Variants in CHST9 observed in about 807,000 individuals in gnomAD.
CHST9 encodes the protein GalNAc-4-sulfotransferase 2.
A neutral mutation model predicts 44.4 loss-of-function variants in CHST9; 41 were observed. The observed-to-expected ratio is 0.92, with a 90% CI of 0.72 to 1.20. The LOEUF (loss-of-function observed/expected upper bound fraction) is 1.20, where lower values mean the gene tolerates loss of function less well. Ranked by LOEUF, CHST9 falls within the 50% of genes most tolerant of loss-of-function variation. The probability of loss-of-function intolerance (pLI) is 0.00; values close to 1 mark genes in which losing one functional copy is unlikely to be tolerated. For missense variants in CHST9, 504 were observed against 516.5 expected (o/e 0.98, Z 0.23); for synonymous variants, 171 against 178.4 (o/e 0.96, Z 0.33).
intron 4 of CHST9, among the ~76,000 whole-genome samples, chr18:27,019,283 A>G (rs1472218534): frequency 6.6e-6 from 1 of 152,200 alleles, no homozygotes; most frequent in East Asian, 1.9e-4. Flanking sequence ...CTTTAAAATC[A>G]CACGGCACTG....
At chr18:27,162,091 G>A (rs2058751982) in intron 1 of CHST9, among the ~76,000 whole-genome samples, 1 of 152,148 alleles carries the variant, frequency 6.6e-6, no homozygotes, top group South Asian at 2.1e-4. Flanking sequence ...TTCAGTTGGA[G>A]CATTTAGCCC....
intron 2 of CHST9, among the ~76,000 whole-genome samples, chr18:27,054,744 G>A (rs928863784): frequency 1.3e-5 from 2 of 152,046 alleles, no homozygotes; most frequent in Non-Finnish European, 2.9e-5. Context: ...CCAATAATGA[G>A]TATGGGCATC....
At chr18:27,052,275 TATGTATATA>T (rs1327565283) in intron 2 of CHST9, among the ~76,000 whole-genome samples, 1 of 128,344 alleles carries the variant, frequency 7.8e-6, no homozygotes, top group African/African-American at 2.6e-5. Context: ...TGTGTATATA[TATGTATATA>T]TATGTGTGTA....
intron 4 of CHST9, among the ~76,000 whole-genome samples, chr18:27,014,864 C>T (rs574610937): frequency 6.6e-6 from 1 of 151,928 alleles, no homozygotes; most frequent in South Asian, 2.1e-4. Context: ...TCTTTTTTTG[C>T]TTTCCCAGTT....
chr18:27,035,945 T>C (rs918410437), intron 3 of CHST9, among the ~76,000 whole-genome samples: 3 of 152,138 alleles, frequency 2.0e-5, no homozygotes, highest in African/African-American at 7.2e-5. Flanking sequence ...ATAATGGTGA[T>C]TATTTAACAA....
At chr18:27,074,267 G>T (rs560072427) in intron 2 of CHST9, among the ~76,000 whole-genome samples, 8 of 152,068 alleles carry the variant, frequency 5.3e-5, no homozygotes, top group African/African-American at 1.9e-4. Context: ...AGGATCTCTC[G>T]TCAAATTCAT....
intron 2 of CHST9, among the ~76,000 whole-genome samples, chr18:27,102,187 T>C (rs1412662284): frequency 6.6e-6 from 1 of 152,234 alleles, no homozygotes; most frequent in East Asian, 1.9e-4. Context: ...TTTGAAGAGA[T>C]ATGCATTCAT....
At chr18:27,059,124 A>G (rs1373603171) in intron 2 of CHST9, among the ~76,000 whole-genome samples, 1 of 152,196 alleles carries the variant, frequency 6.6e-6, no homozygotes, top group Non-Finnish European at 1.5e-5. Context: ...TTAAAGCACA[A>G]TTTCTATAGA....
At chr18:27,136,630 A>G (rs2058515264) in intron 2 of CHST9, among the ~76,000 whole-genome samples, 1 of 152,202 alleles carries the variant, frequency 6.6e-6, no homozygotes. Context: ...TGTGGGATTA[A>G]ATGAGATAGT....
At chr18:26,956,344 T>TATAC (rs1555671803) in intron 4 of CHST9, among the ~76,000 whole-genome samples, 39 of 142,126 alleles carry the variant, frequency 2.7e-4, no homozygotes, top group African/African-American at 9.6e-4. Flanking sequence ...TATATATATA[T>TATAC]ACACACACAA....
Position 26,914,652 on chromosome 18 carries a change from A to C in CHST9, c.*1607T>G. On this transcript the variant is annotated 3_prime_UTR_variant, in exon 6 of 6. Coordinates refer to ENST00000618847, the MANE Select transcript of CHST9 (RefSeq NM_031422.6). ...CATTGCAGTTTACTTACTCCTTAGG[A>C]GACACAGATGGGACACGGCAGGTGT... is the stretch of plus-strand genomic sequence containing the variant. The C allele has an allele frequency of 3.0e-6, 1 of 330,456 alleles. No homozygotes were observed. The highest frequency in any genetic ancestry group is 4.5e-5 in the East Asian group (1 of 22,192). 20.5% of individuals were successfully genotyped at this position (330,456 alleles called of 1,614,324 possible).
chr18:26,982,252 A>G (rs1279771322), intron 4 of CHST9, among the ~76,000 whole-genome samples: 3 of 152,244 alleles, frequency 2.0e-5, no homozygotes, highest in Non-Finnish European at 4.4e-5. Context: ...CATGAAACAC[A>G]TATGTATGTT....
intron 1 of CHST9, among the ~76,000 whole-genome samples, chr18:27,166,121 T>G (rs1433048792): frequency 6.6e-6 from 1 of 152,194 alleles, no homozygotes; most frequent in Non-Finnish European, 1.5e-5. Flanking sequence ...TCTTCTCTGC[T>G]TCGTCCTCCA....
At chr18:26,969,310 A>G (rs1207279422) in intron 4 of CHST9, among the ~76,000 whole-genome samples, 1 of 151,620 alleles carries the variant, frequency 6.6e-6, no homozygotes, top group Admixed American at 6.6e-5. Flanking sequence ...CCACGAATTT[A>G]TGCAGTCTTA....
chr18:27,128,146 A>T lies in CHST9; in HGVS notation c.121+14543T>A, dbSNP rs566365633. On this transcript the variant is annotated intron_variant, in intron 2 of 5. Coordinates refer to ENST00000618847, the MANE Select transcript of CHST9 (RefSeq NM_031422.6). ...ATCTACAGTTGCCATATATGAAAAC[A>T]GACACCCTGGCTGATCTTGGGGATG... 4.6e-5 allele frequency among the ~76,000 whole-genome samples: 7 copies of T among 152,356 alleles called. No individual in the cohort carries two copies. In the South Asian group the frequency reaches 8.3e-4, roughly 18 times the overall value.
chr18:27,153,473 C>G (rs780389309), intron 1 of CHST9, among the ~76,000 whole-genome samples: 8 of 151,460 alleles, frequency 5.3e-5, no homozygotes, highest in Admixed American at 2.6e-4. Flanking sequence ...CTTCACATGG[C>G]CTTTTCCTCT....
intron 2 of CHST9, among the ~76,000 whole-genome samples, chr18:27,084,271 G>C (rs912639525): frequency 6.6e-6 from 1 of 151,856 alleles, no homozygotes; most frequent in Non-Finnish European, 1.5e-5. Flanking sequence ...AATCCACCTG[G>C]TCTAGGGCTT....
At chr18:27,112,729 G>T (rs549338342) in intron 2 of CHST9, among the ~76,000 whole-genome samples, 2 of 151,458 alleles carry the variant, frequency 1.3e-5, no homozygotes, top group African/African-American at 4.8e-5. Flanking sequence ...CCTATATTTT[G>T]TTAGTCATGC....
At chr18:27,099,975 G>A (rs1380168704) in intron 2 of CHST9, among the ~76,000 whole-genome samples, 1 of 151,716 alleles carries the variant, frequency 6.6e-6, no homozygotes, top group Non-Finnish European at 1.5e-5. Flanking sequence ...CAACCTAGGT[G>A]TCCATCAATG....
Sources: allele counts gnomAD v4.1 joint callset (sites outside exome capture counted in the v4.1 genomes callset), GRCh38; gene constraint gnomAD v4.1.1; transcripts MANE v1.5; gene names NCBI Gene and HGNC (gene_info 2026-07-23, HGNC 2026-07-21).